AIG1: variants seen among roughly 807,000 people sequenced by gnomAD.
The protein encoded by AIG1 is androgen induced 1.
AIG1 carries 23 observed loss-of-function variants against 31.4 expected under a neutral mutation model. That is an observed-to-expected ratio of 0.73 (90% CI 0.53 to 1.04). The LOEUF (loss-of-function observed/expected upper bound fraction) is 1.04, where lower values mean the gene tolerates loss of function less well. AIG1 is among the 50% of genes least tolerant of loss of function. The pLI is 0.00. For missense variants in AIG1, 274 were observed against 295.0 expected, an observed-to-expected ratio of 0.93 and a Z score of 0.52; for synonymous variants, 100 against 110.5, an observed-to-expected ratio of 0.90 and a Z score of 0.60.
At chr6:143,078,886 A>ATCTGT (rs1777964268) in intron 1 of AIG1, among the ~76,000 whole-genome samples, 1 of 152,200 alleles carries the variant, frequency 6.6e-6, no homozygotes, top group East Asian at 1.9e-4. Context: ...GATTTTGTTT[A>ATCTGT]TCTGTTTAAG....
Position 143,060,968 on chromosome 6 carries a change from C to G in AIG1, c.43C>G (p.Leu15Val), listed in dbSNP as rs1308298036. 6 of 1,612,874 alleles carry G rather than the reference C, an allele frequency of 3.7e-6. No individual in the cohort carries two copies. The highest frequency in any genetic ancestry group is 5.1e-6 in the Non-Finnish European group (6 of 1,179,762). The change falls in exon 1 of 6, where the codon CTG becomes GTG. Residue 15 changes from leucine (L) to valine (V), a missense_variant. Physicochemically the swap from Leu to Val is conservative, Grantham distance 32. Around this residue, in one of 2 missense-constraint regions of AIG1, gnomAD observed 243 missense variants for 238.5 expected, o/e 1.02. Coordinates refer to ENST00000357847, the MANE Select transcript of AIG1 (RefSeq NM_016108.4). ...CCAGGTGCTGCGGATGGCAATCCTG[C>G]TGTCTTACTGCTCTATCCTGTGTAA... ...PCQVLRMAILLSYCSILCNYK... is the reference protein window; with the variant it reads ...PCQVLRMAILVSYCSILCNYK...
intron 3 of AIG1, among the ~76,000 whole-genome samples, chr6:143,260,116 T>G (rs1583653181): frequency 6.8e-6 from 1 of 146,486 alleles, no homozygotes; most frequent in South Asian, 2.3e-4. Flanking sequence ...CTCCGCCTCC[T>G]GGATTCACAG....
At position 143,166,528 on chromosome 6, in the gene AIG1, G is replaced by C. The variant is rs138297173; in HGVS notation, c.399+1345G>C. Among the ~76,000 whole-genome samples the C allele has an allele frequency of 3.7e-3, 565 of 152,238 alleles. 3 individuals are homozygous for C. The highest frequency in any genetic ancestry group is 0.013 in the African/African-American group (539 of 41,536). On this transcript the variant is annotated intron_variant, in intron 3 of 5. Transcript: ENST00000357847. ...GTTAGCTATTCCGTTACTTGTGCTT[G>C]CACAGCACTTTCATATCTCTATTAT... is the stretch of plus-strand genomic sequence containing the variant.
chr6:143,113,614 AC>A (rs1781480963), intron 1 of AIG1, among the ~76,000 whole-genome samples: 1 of 151,598 alleles, frequency 6.6e-6, no homozygotes, highest in Non-Finnish European at 1.5e-5. Flanking sequence ...AAAAAAAAAA[AC>A]AAAAAAAAAG....
intron 3 of AIG1, among the ~76,000 whole-genome samples, chr6:143,226,630 A>G (rs1485005852): frequency 6.6e-6 from 1 of 152,170 alleles, no homozygotes; most frequent in Non-Finnish European, 1.5e-5. Context: ...AAATATTTTT[A>G]CCAGACTTTC....
intron 1 of AIG1, among the ~76,000 whole-genome samples, chr6:143,080,169 G>T (rs1023476867): frequency 6.6e-6 from 1 of 152,160 alleles, no homozygotes; most frequent in African/African-American, 2.4e-5. Context: ...TGTTGGGGAG[G>T]TTGGCTGACA....
At position 143,331,875 on chromosome 6, in the gene AIG1, T is replaced by TATTATC. The variant is rs1777111592; in HGVS notation, c.516-1402_516-1401insCATTAT. Reference sequence around the variant, plus strand: ...TTATTATTATTATTATTATTATTATTATTATTATTATTTTGAGACCAAGTC... The same window carrying TATTATC: ...TTATTATTATTATTATTATTATTATTATTATCATTATTATTATTTTGAGACCAAGTC... On this transcript the variant is annotated intron_variant, in intron 4 of 5. Transcript: ENST00000357847. The surrounding 1 kb of genome is among the most constrained non-coding windows in gnomAD (Gnocchi z 4.1). 1.4e-5 allele frequency among the ~76,000 whole-genome samples: 2 copies of TATTATC among 147,892 alleles called. No homozygotes were observed. The highest frequency in any genetic ancestry group is 3.9e-4 in the East Asian group (2 of 5,126).
chr6:143,294,588 T>C (rs1798293841), intron 4 of AIG1, among the ~76,000 whole-genome samples: 1 of 152,232 alleles, frequency 6.6e-6, no homozygotes, highest in Admixed American at 6.5e-5. Context: ...GTAAAATGCA[T>C]AGGACAGTAA....
chr6:143,154,323 G>A (rs1429481736), intron 2 of AIG1, among the ~76,000 whole-genome samples: 1 of 151,998 alleles, frequency 6.6e-6, no homozygotes, highest in African/African-American at 2.4e-5. Flanking sequence ...AAGACTAAAC[G>A]AAGTCAAGCC....
chr6:143,216,628 C>T (rs1394633850), intron 3 of AIG1, among the ~76,000 whole-genome samples: 2 of 152,196 alleles, frequency 1.3e-5, no homozygotes, highest in African/African-American at 4.8e-5. Context: ...TTAACTTATC[C>T]TGTGAATGCA....
intron 1 of AIG1, among the ~76,000 whole-genome samples, chr6:143,121,151 C>T (rs2070695947): frequency 6.6e-6 from 1 of 152,204 alleles, no homozygotes; most frequent in Admixed American, 6.5e-5. Context: ...CTGTTTGAGG[C>T]TCTCTGCTTT....
intron 3 of AIG1, among the ~76,000 whole-genome samples, chr6:143,228,623 C>A (rs1284440570): frequency 6.6e-6 from 1 of 152,128 alleles, no homozygotes; most frequent in Non-Finnish European, 1.5e-5. Flanking sequence ...GAGGGTGGGA[C>A]CACATTTACT....
intron 3 of AIG1, among the ~76,000 whole-genome samples, chr6:143,194,690 G>C (rs1562479485): frequency 1.3e-5 from 2 of 152,184 alleles, no homozygotes; most frequent in African/African-American, 4.8e-5. Flanking sequence ...CCCCCAAGAT[G>C]CTGTAACCCC....
chr6:143,128,934 G>A (rs1335992462), intron 1 of AIG1, among the ~76,000 whole-genome samples: 1 of 152,212 alleles, frequency 6.6e-6, no homozygotes, highest in African/African-American at 2.4e-5. Context: ...GGACTAACCA[G>A]TGTGAGTTAA....
At chr6:143,071,689 G>C (rs9484701) in intron 1 of AIG1, among the ~76,000 whole-genome samples, 1 of 150,954 alleles carries the variant, frequency 6.6e-6, no homozygotes, top group African/African-American at 2.5e-5. Flanking sequence ...TTCTTTTTTT[G>C]TTGTTGTTGT....
At chr6:143,154,781 T>C (rs1466009521) in intron 2 of AIG1, among the ~76,000 whole-genome samples, 1 of 152,152 alleles carries the variant, frequency 6.6e-6, no homozygotes, top group Non-Finnish European at 1.5e-5. Context: ...AGGAACACTG[T>C]GTTATCTTCC....
chr6:143,114,255 T>C (rs1189847613), intron 1 of AIG1, among the ~76,000 whole-genome samples: 1 of 152,344 alleles, frequency 6.6e-6, no homozygotes. Context: ...AGGTGAAATA[T>C]GTAATGCTTG....
chr6:143,303,051 C>T (rs1355845420), intron 4 of AIG1, among the ~76,000 whole-genome samples: 24 of 152,110 alleles, frequency 1.6e-4, no homozygotes, highest in African/African-American at 2.9e-4. Flanking sequence ...TCATGTCCTT[C>T]GCCCACTTTT....
At chr6:143,118,352 G>T (rs558300133) in intron 1 of AIG1, among the ~76,000 whole-genome samples, 1 of 151,978 alleles carries the variant, frequency 6.6e-6, no homozygotes, top group Non-Finnish European at 1.5e-5. Flanking sequence ...CCAGCTACTC[G>T]AGAGGCTGAG....
Sources: allele counts gnomAD v4.1 joint callset (sites outside exome capture counted in the v4.1 genomes callset), GRCh38; gene constraint gnomAD v4.1.1; regional missense constraint gnomAD v4.1.1; non-coding constraint Gnocchi (gnomAD v3.1); transcripts MANE v1.5; gene names NCBI Gene and HGNC (gene_info 2026-07-23, HGNC 2026-07-21).